The following SORBS2 variants were observed in gnomAD, a reference collection of about 807,000 sequenced individuals.
The protein encoded by SORBS2 is sorbin and SH3 domain containing 2.
In SORBS2, 46 loss-of-function variants were observed where a neutral mutation model predicts 97.7. That is an observed-to-expected ratio of 0.47 (90% CI 0.37 to 0.60). The LOEUF is 0.60. SORBS2 is among the 20% of genes least tolerant of loss of function. SORBS2 has a pLI of 0.00. For missense variants in SORBS2, 1,316 were observed against 1,282.3 expected (o/e 1.03, Z -0.40); for synonymous variants, 476 against 473.4 (o/e 1.01, Z -0.07).
chr4:185,659,333 G>T (rs545378586), upstream of SORBS2, among the ~76,000 whole-genome samples: 2 of 152,262 alleles, frequency 1.3e-5, no homozygotes, highest in East Asian at 1.9e-4. Context: ...AAGACATGGT[G>T]GTTGAAGTCC....
intron 1 of SORBS2, chr4:185,812,839 A>T (rs1193963179): frequency 2.0e-5 from 3 of 152,228 alleles, no homozygotes; most frequent in Non-Finnish European, 4.4e-5. Context: ...AAAAAATCCT[A>T]TTGCTTCTAC....
At chr4:185,924,770 C>T (rs370770573) in intron 1 of SORBS2, among the ~76,000 whole-genome samples, 18 of 152,332 alleles carry the variant, frequency 1.2e-4, no homozygotes, top group African/African-American at 4.3e-4. Flanking sequence ...TGCCGCACAG[C>T]GAGTTTTCTC....
intron 1 of SORBS2, among the ~76,000 whole-genome samples, chr4:185,838,475 A>G (rs2099209518): frequency 6.6e-6 from 1 of 152,026 alleles, no homozygotes. Context: ...CCTGGAGGAG[A>G]GGGGGAATTG....
At chr4:185,772,407 T>G (rs760980059) in intron 2 of SORBS2, 16 of 152,226 alleles carry the variant, frequency 1.1e-4, no homozygotes, top group Admixed American at 2.6e-4. Flanking sequence ...GGAAGTTTAT[T>G]ATTTTTCCAC....
At chr4:185,893,772 G>C (rs2099243649) in intron 1 of SORBS2, among the ~76,000 whole-genome samples, 3 of 152,176 alleles carry the variant, frequency 2.0e-5, no homozygotes, top group African/African-American at 4.8e-5. Context: ...ATGGGAGAGT[G>C]AAGGCAGGTA....
chr4:185,749,100 C>T (rs565977327), intron 2 of SORBS2, among the ~76,000 whole-genome samples: 3 of 152,318 alleles, frequency 2.0e-5, no homozygotes, highest in Admixed American at 2.0e-4. Context: ...ACTCCACAGC[C>T]ACCAGTAGGG....
chr4:185,809,455 C>CAGAAAAAAAAAA (rs2099170172), intron 1 of SORBS2, among the ~76,000 whole-genome samples: 1 of 47,296 alleles, frequency 2.1e-5, no homozygotes, highest in Non-Finnish European at 3.5e-5. Flanking sequence ...ACTGCATTTG[C>CAGAAAAAAAAAA]AAAAAAAAAA....
At chr4:185,770,975 C>CTTTTTTTTTTTTTTTTT (rs747070975) in intron 2 of SORBS2, 1 of 72,726 alleles carries the variant, frequency 1.4e-5, no homozygotes, top group Non-Finnish European at 2.5e-5. Context: ...TCATCGTTTC[C>CTTTTTTTTTTTTTTTTT]TTTTTTTTTT....
intron 1 of SORBS2, among the ~76,000 whole-genome samples, chr4:185,939,839 G>C (rs1286300162): frequency 6.6e-6 from 1 of 152,118 alleles, no homozygotes; most frequent in Non-Finnish European, 1.5e-5. Context: ...CCCATCCACT[G>C]TCTCCAGAAT....
chr4:185,780,017 T>TTTG (rs2153633678), intron 1 of SORBS2, among the ~76,000 whole-genome samples: 1 of 147,810 alleles, frequency 6.8e-6, no homozygotes, highest in Admixed American at 6.8e-5. Context: ...ATTTTTTTTT[T>TTTG]TTTTTTTTTT....
Position 185,589,675 on chromosome 4 carries a change from A to C in SORBS2, c.2953+4T>G, listed in dbSNP as rs2077697. The C allele has an allele frequency of 6.6e-3, 10,443 of 1,577,108 alleles. 538 individuals carry two copies. The African/African-American group carries it at 0.12, about 19-fold the overall frequency. On this transcript the variant is annotated splice_donor_region_variant and intron_variant, in intron 14 of 14. Coordinates refer to ENST00000418609, the Ensembl canonical transcript of SORBS2. ...GAAGGTGCCTGAGGAAGAAGCGCAC[A>C]TACCCACAAACCAGCCGTCATCACA... is the stretch of plus-strand genomic sequence containing the variant.
intron 1 of SORBS2, among the ~76,000 whole-genome samples, chr4:185,910,760 C>A (rs139552768): frequency 6.6e-6 from 1 of 152,224 alleles, no homozygotes; most frequent in East Asian, 1.9e-4. Context: ...ATTCTATAAC[C>A]TAAATCCTGT....
intron 2 of SORBS2, among the ~76,000 whole-genome samples, chr4:185,707,791 T>C (rs1483287188): frequency 6.6e-6 from 1 of 152,118 alleles, no homozygotes; most frequent in African/African-American, 2.4e-5. Context: ...AATTCCCATT[T>C]ATAAAACCAT....
chr4:185,637,546 C>T (rs1264594041), intron 4 of SORBS2, among the ~76,000 whole-genome samples: 1 of 152,192 alleles, frequency 6.6e-6, no homozygotes, highest in Non-Finnish European at 1.5e-5. Context: ...CTTTAACAGG[C>T]TCTGCGTTTA....
At chr4:185,646,586 T>C in intron 4 of SORBS2, 82 bp downstream of exon 13, 1 of 764,968 alleles carries the variant, frequency 1.3e-6, no homozygotes, top group Non-Finnish European at 2.3e-6. Flanking sequence ...CAAAAATTGC[T>C]AATGGGTCTG....
Position 185,607,406 on chromosome 4 carries a change from T to C in SORBS2, c.2796+4374A>G. 1 of 942,514 alleles carries C rather than the reference T, an allele frequency of 1.1e-6. No homozygotes were observed. Among genetic ancestry groups the C allele is most frequent in the Non-Finnish European group, 1.5e-6 (1 of 675,056 alleles). 58.4% of individuals were successfully genotyped at this position (942,514 alleles called of 1,614,324 possible). A position where few individuals can be genotyped will look rare whatever the true frequency, so the allele number is the denominator to read the frequency against. ...AAAAAATAAACTAAGAAAATAATAA[T>C]AATGCATCAAAACATAGCGATGGAG... On this transcript the variant is annotated intron_variant, in intron 12 of 14. Transcript: ENST00000418609. The surrounding 1 kb of genome is among the most constrained non-coding windows in gnomAD (Gnocchi z 5.2).
At chr4:185,634,195 T>A (rs537360999) in intron 4 of SORBS2, among the ~76,000 whole-genome samples, 1 of 152,268 alleles carries the variant, frequency 6.6e-6, no homozygotes, top group Non-Finnish European at 1.5e-5. Context: ...ACAGGGTAAA[T>A]AATTTGAAAT....
intron 4 of SORBS2, among the ~76,000 whole-genome samples, chr4:185,664,483 C>G (rs1182952338): frequency 6.6e-6 from 1 of 152,108 alleles, no homozygotes; most frequent in Non-Finnish European, 1.5e-5. Flanking sequence ...AAGCTAAGAA[C>G]CATTGAAGCA....
intron 2 of SORBS2, among the ~76,000 whole-genome samples, chr4:185,681,854 C>T (rs569857411): frequency 1.8e-4 from 28 of 152,130 alleles, no homozygotes; most frequent in Admixed American, 9.2e-4. Context: ...GTTTGTGATA[C>T]GTGTCACATC....
Sources: allele counts gnomAD v4.1 joint callset (sites outside exome capture counted in the v4.1 genomes callset), GRCh38; gene constraint gnomAD v4.1.1; non-coding constraint Gnocchi (gnomAD v3.1); transcripts MANE v1.5; gene names NCBI Gene and HGNC (gene_info 2026-07-23, HGNC 2026-07-21).